The following MALRD1 variants were observed in gnomAD, a reference collection of about 807,000 sequenced individuals.
MALRD1 encodes MAM and LDL receptor class A domain containing 1.
In MALRD1, 247 loss-of-function variants were observed where a neutral mutation model predicts 242.1. The ratio of observed to expected loss-of-function variants is 1.02; its 90% confidence interval spans 0.92 to 1.13. MALRD1 has a LOEUF of 1.13. Among genes scored for constraint, MALRD1 ranks in the 50% most tolerant of loss-of-function variants. MALRD1 has a pLI of 0.00. For missense variants in MALRD1, 2,989 were observed against 2,533.1 expected, an observed-to-expected ratio of 1.18 and a Z score of -3.86; for synonymous variants, 995 against 866.6, an observed-to-expected ratio of 1.15 and a Z score of -2.60.
intron 28 of MALRD1, among the ~76,000 whole-genome samples, chr10:19,428,816 CTT>C (rs1564331592): frequency 6.6e-6 from 1 of 152,152 alleles, no homozygotes; most frequent in Non-Finnish European, 1.5e-5. Flanking sequence ...GCTGTAGACT[CTT>C]TTAGATTTGC....
chr10:19,125,322 C>CTTCCTTCCTTCT (rs1564407963), intron 7 of MALRD1, among the ~76,000 whole-genome samples: 4 of 63,806 alleles, frequency 6.3e-5, no homozygotes, highest in East Asian at 4.2e-4. Context: ...TCCTTCCTTC[C>CTTCCTTCCTTCT]TTCTTTCTTT....
At chr10:19,175,724 C>T (rs1044727517) in intron 14 of MALRD1, among the ~76,000 whole-genome samples, 3 of 151,396 alleles carry the variant, frequency 2.0e-5, no homozygotes, top group Non-Finnish European at 4.4e-5. Flanking sequence ...CCCAGGAGTT[C>T]AAAAAAAGCA....
At chr10:19,310,105 T>C (rs1842364725) in intron 21 of MALRD1, among the ~76,000 whole-genome samples, 1 of 151,490 alleles carries the variant, frequency 6.6e-6, no homozygotes, top group Non-Finnish European at 1.5e-5. Flanking sequence ...CAAATCTAAT[T>C]CAAGGTCAGA....
chr10:19,721,023 G>GA (rs925162704), intron 38 of MALRD1, among the ~76,000 whole-genome samples: 27 of 144,670 alleles, frequency 1.9e-4, no homozygotes, highest in African/African-American at 5.4e-4. Flanking sequence ...AGCCAGGGAA[G>GA]AAAAAAAAAT....
chr10:19,055,164 T>A lies in MALRD1; in HGVS notation c.199+6027T>A, dbSNP rs560281873. Among the ~76,000 whole-genome samples the A allele has an allele frequency of 6.8e-4, 103 of 152,246 alleles. 1 individual carries two copies. The highest frequency in any genetic ancestry group is 2.0e-3 in the African/African-American group (85 of 41,548). Reference sequence around the variant, plus strand: ...TCCTAAGATTAGTAATACTGAAAAATTTTTTAATGTACCTATTGAACATTT... The same window carrying A: ...TCCTAAGATTAGTAATACTGAAAAAATTTTTAATGTACCTATTGAACATTT... On this transcript the variant is annotated intron_variant, in intron 1 of 39. Transcript: ENST00000454679.
At chr10:19,511,637 G>T (rs752656805) in intron 31 of MALRD1, among the ~76,000 whole-genome samples, 21 of 152,106 alleles carry the variant, frequency 1.4e-4, no homozygotes, top group African/African-American at 4.8e-5. Flanking sequence ...CCCTATAGAA[G>T]AATCAAACCT....
At chr10:19,105,804 T>C (rs1324056955) in intron 5 of MALRD1, among the ~76,000 whole-genome samples, 1 of 152,142 alleles carries the variant, frequency 6.6e-6, no homozygotes, top group East Asian at 1.9e-4. Context: ...TTTTTTCATA[T>C]TCTATTTATT....
At chr10:19,085,245 T>C (rs1835629239) in intron 2 of MALRD1, among the ~76,000 whole-genome samples, 1 of 151,950 alleles carries the variant, frequency 6.6e-6, no homozygotes, top group Admixed American at 6.6e-5. Context: ...TGCCTTTTTC[T>C]CTTAAACTCA....
intron 18 of MALRD1, among the ~76,000 whole-genome samples, chr10:19,234,995 T>C (rs1156966827): frequency 6.6e-6 from 1 of 152,136 alleles, no homozygotes; most frequent in Non-Finnish European, 1.5e-5. Flanking sequence ...CATGCTGATG[T>C]GGGAAACAAC....
intron 24 of MALRD1, among the ~76,000 whole-genome samples, chr10:19,346,050 G>A (rs555256535): frequency 3.3e-5 from 5 of 152,046 alleles, no homozygotes; most frequent in African/African-American, 1.2e-4. Context: ...CTCCTAAAAT[G>A]TTGTGATTAC....
At chr10:19,557,798 T>G (rs1256278289) in intron 32 of MALRD1, among the ~76,000 whole-genome samples, 1 of 152,146 alleles carries the variant, frequency 6.6e-6, no homozygotes, top group East Asian at 1.9e-4. Flanking sequence ...AGCCTCTCAG[T>G]ATCCTCAAAA....
At chr10:19,195,549 A>T (rs1220220192) in intron 14 of MALRD1, among the ~76,000 whole-genome samples, 1 of 152,056 alleles carries the variant, frequency 6.6e-6, no homozygotes, top group East Asian at 1.9e-4. Context: ...TTTAATTGGG[A>T]TCTTAAATTT....
intron 28 of MALRD1, among the ~76,000 whole-genome samples, chr10:19,401,267 T>C (rs1846829247): frequency 6.6e-6 from 1 of 152,250 alleles, no homozygotes; most frequent in Non-Finnish European, 1.5e-5. Context: ...ATAGCACTGC[T>C]TTCATTGTTT....
intron 36 of MALRD1, among the ~76,000 whole-genome samples, chr10:19,686,684 C>T (rs987984778): frequency 5.3e-5 from 8 of 152,116 alleles, no homozygotes; most frequent in African/African-American, 1.9e-4. Flanking sequence ...GGGGTGCCTT[C>T]TCCTGCCCTG....
At chr10:19,474,075 A>T (rs775443248) in intron 29 of MALRD1, among the ~76,000 whole-genome samples, 31 of 151,738 alleles carry the variant, frequency 2.0e-4, no homozygotes, top group South Asian at 6.3e-4. Flanking sequence ...TATTTCCCTA[A>T]TGATTAATGA....
chr10:19,685,123 A>G (rs924209474), intron 36 of MALRD1, among the ~76,000 whole-genome samples: 1 of 152,198 alleles, frequency 6.6e-6, no homozygotes, highest in African/African-American at 2.4e-5. Context: ...TTAATATATC[A>G]CATGGTCCAT....
chr10:19,302,258 T>C lies in MALRD1; in HGVS notation c.3419+19077T>C, dbSNP rs189206433. ...TATGACTCAGCAGTTTCTCAACCAA[T>C]TGAATGAGTCACCATATGATTCATA... On this transcript the variant is annotated intron_variant, in intron 21 of 39. Coordinates refer to ENST00000454679, the MANE Select transcript of MALRD1 (RefSeq NM_001142308.3). Among the ~76,000 whole-genome samples, 19 of 151,868 alleles carry C rather than the reference T, an allele frequency of 1.3e-4. No individual in the cohort carries two copies. The East Asian group carries it at 3.5e-3, about 28-fold the overall frequency.
At chr10:19,466,918 T>A (rs1395525076) in intron 29 of MALRD1, among the ~76,000 whole-genome samples, 1 of 151,982 alleles carries the variant, frequency 6.6e-6, no homozygotes, top group Non-Finnish European at 1.5e-5. Flanking sequence ...GCTGAAAAAA[T>A]TTTGACTTTT....
At chr10:19,139,189 A>T (rs1833457123) in intron 10 of MALRD1, among the ~76,000 whole-genome samples, 1 of 152,242 alleles carries the variant, frequency 6.6e-6, no homozygotes, top group Non-Finnish European at 1.5e-5. Context: ...GATTTGGATT[A>T]TTAGAATTGA....
Sources: gnomAD v4.1 joint callset for allele counts (sites outside exome capture counted in the v4.1 genomes callset) on GRCh38, gnomAD v4.1.1 for gene constraint, MANE v1.5 for transcripts, NCBI Gene and HGNC (gene_info 2026-07-23, HGNC 2026-07-21) for gene names.